CNTNAP5: variants seen among roughly 807,000 people sequenced by gnomAD.
CNTNAP5 encodes the protein contactin-associated protein-like 5.
Under a neutral mutation model 150.2 loss-of-function variants are expected in CNTNAP5, and 72 were observed. The ratio of observed to expected loss-of-function variants is 0.48; its 90% confidence interval spans 0.40 to 0.58. CNTNAP5 has a LOEUF of 0.58. CNTNAP5 is among the 20% of genes least tolerant of loss of function. The pLI is 0.00. For synonymous variants in CNTNAP5, 672 were observed against 619.8 expected, an observed-to-expected ratio of 1.08 and a Z score of -1.25; for missense variants, 1,636 against 1,626.2, an observed-to-expected ratio of 1.01 and a Z score of -0.10.
At chr2:124,339,796 G>A (rs955151446) in intron 3 of CNTNAP5, among the ~76,000 whole-genome samples, 2 of 152,108 alleles carry the variant, frequency 1.3e-5, no homozygotes, top group Non-Finnish European at 2.9e-5. Flanking sequence ...GTGGGCAGGG[G>A]TGAGGGAATG....
chr2:124,063,736 C>T (rs1292951927), intron 1 of CNTNAP5, among the ~76,000 whole-genome samples: 2 of 152,040 alleles, frequency 1.3e-5, no homozygotes, highest in African/African-American at 4.8e-5. Flanking sequence ...CATTTCCAGG[C>T]CTGATAATGA....
At chr2:124,257,213 G>A (rs1687335422) in intron 3 of CNTNAP5, among the ~76,000 whole-genome samples, 2 of 152,166 alleles carry the variant, frequency 1.3e-5, no homozygotes, top group African/African-American at 2.4e-5. Context: ...AAATCCCCCA[G>A]TTTGTGGTAA....
At chr2:124,264,311 G>A (rs751908030) in intron 3 of CNTNAP5, among the ~76,000 whole-genome samples, 21 of 151,028 alleles carry the variant, frequency 1.4e-4, no homozygotes, top group Non-Finnish European at 2.4e-4. Context: ...ATAATATTCC[G>A]GTTGAGAGTG....
Position 124,679,256 on chromosome 2 carries a change from G to A in CNTNAP5, c.2077+31298G>A, listed in dbSNP as rs184221087. The stretch of plus-strand genomic sequence containing the variant: ...ATTGAGCCAAGAGCTAGCCTTGGCT[G>A]CTGGTGCACACATCAGGAAAGCAGT... On this transcript the variant is annotated intron_variant, in intron 13 of 23. Coordinates refer to ENST00000682447, the MANE Select transcript of CNTNAP5 (RefSeq NM_001367498.1). Among the ~76,000 whole-genome samples the A allele has an allele frequency of 5.3e-5, 8 of 152,042 alleles. No individual in the cohort carries two copies. In the Admixed American group the frequency reaches 5.3e-4, roughly 10 times the overall value.
In CNTNAP5 at chr2:124,478,964, C is replaced by T. The variant is rs577414792; in HGVS notation, c.1062+4082C>T. Among the ~76,000 whole-genome samples, 5 of 152,318 alleles carry T rather than the reference C, an allele frequency of 3.3e-5. No homozygotes were observed. In the South Asian group the frequency reaches 6.2e-4, roughly 19 times the overall value. On this transcript the variant is annotated intron_variant, in intron 7 of 23. Transcript: ENST00000682447. The stretch of plus-strand genomic sequence containing the variant: ...AGGCATCCTCATTGCAATCTGTCAT[C>T]TCTTTCTTGTGGGACCTTCCCACTC...
chr2:124,671,146 A>C (rs1678815427), intron 13 of CNTNAP5, among the ~76,000 whole-genome samples: 1 of 152,132 alleles, frequency 6.6e-6, no homozygotes, highest in South Asian at 2.1e-4. Flanking sequence ...CTGTTACTTT[A>C]TCATTGGTAT....
At chr2:124,687,644 T>C (rs1318680044) in intron 13 of CNTNAP5, among the ~76,000 whole-genome samples, 1 of 152,046 alleles carries the variant, frequency 6.6e-6, no homozygotes, top group East Asian at 1.9e-4. Context: ...TCATGGAAAC[T>C]ATGGAGAAAC....
intron 3 of CNTNAP5, among the ~76,000 whole-genome samples, chr2:124,414,040 G>A (rs939999384): frequency 1.3e-5 from 2 of 151,682 alleles, no homozygotes; most frequent in Non-Finnish European, 2.9e-5. Flanking sequence ...CCATATTTTG[G>A]GGTACCATTT....
intron 3 of CNTNAP5, among the ~76,000 whole-genome samples, chr2:124,384,844 C>G (rs1690888399): frequency 6.6e-6 from 1 of 152,162 alleles, no homozygotes; most frequent in South Asian, 2.1e-4. Context: ...GAGACAGGTG[C>G]CAAGCCCTTT....
intron 13 of CNTNAP5, among the ~76,000 whole-genome samples, chr2:124,734,250 A>T (rs1218161910): frequency 6.6e-6 from 1 of 152,100 alleles, no homozygotes; most frequent in African/African-American, 2.4e-5. Flanking sequence ...TGGAGACACA[A>T]ATGAACACAG....
At chr2:124,253,017 TA>T (rs1249346516) in intron 3 of CNTNAP5, among the ~76,000 whole-genome samples, 1 of 151,618 alleles carries the variant, frequency 6.6e-6, no homozygotes, top group African/African-American at 2.4e-5. Flanking sequence ...TAATAGTACA[TA>T]AAATATATAT....
intron 10 of CNTNAP5, among the ~76,000 whole-genome samples, chr2:124,534,134 G>A (rs1695176659): frequency 1.3e-5 from 2 of 152,158 alleles, no homozygotes; most frequent in Admixed American, 6.6e-5. Context: ...CAGACTTAGA[G>A]AGTGTGGAAT....
intron 3 of CNTNAP5, among the ~76,000 whole-genome samples, chr2:124,293,961 G>A (rs1185373436): frequency 6.6e-6 from 1 of 152,140 alleles, no homozygotes; most frequent in Non-Finnish European, 1.5e-5. Context: ...GGGACAACAT[G>A]GATGTAGTCC....
chr2:124,721,244 C>T lies in CNTNAP5; in HGVS notation c.2078-25985C>T, dbSNP rs970936526. 2.6e-5 allele frequency among the ~76,000 whole-genome samples: 4 copies of T among 152,140 alleles called. No homozygotes were observed. The East Asian group carries it at 5.8e-4, about 22-fold the overall frequency. The stretch of plus-strand genomic sequence containing the variant: ...CTGTAATCCCTACAGTTTGGGAGGC[C>T]GAGGCACGTGGATCACTTGAGTTCA... On this transcript the variant is annotated intron_variant, in intron 13 of 23. Coordinates refer to ENST00000682447, the MANE Select transcript of CNTNAP5 (RefSeq NM_001367498.1).
rs1012027422 is a variant in CNTNAP5, at chr2:124,161,788, C to T, written c.83-59917C>T. On this transcript the variant is annotated intron_variant, in intron 1 of 23. Transcript: ENST00000682447. ...ATGGTTTAATGTTCTACCACAGACCCTGAAAATTAAAATATGAGCATCATT... is the reference window on the plus strand; with the variant it reads ...ATGGTTTAATGTTCTACCACAGACCTTGAAAATTAAAATATGAGCATCATT... Among the ~76,000 whole-genome samples, 6 of 152,036 alleles carry T rather than the reference C, an allele frequency of 3.9e-5. No individual in the cohort carries two copies. In the South Asian group the frequency reaches 1.0e-3, roughly 26 times the overall value.
At chr2:124,194,908 T>A (rs1394999141) in intron 1 of CNTNAP5, among the ~76,000 whole-genome samples, 1 of 151,998 alleles carries the variant, frequency 6.6e-6, no homozygotes, top group Non-Finnish European at 1.5e-5. Flanking sequence ...AACTAGAAGT[T>A]ATTTGCAGTG....
chr2:124,676,712 C>T (rs1415610855), intron 13 of CNTNAP5, among the ~76,000 whole-genome samples: 2 of 152,142 alleles, frequency 1.3e-5, no homozygotes, highest in Admixed American at 6.6e-5. Context: ...GTTTTCGAGG[C>T]TGCCATGGAG....
intron 3 of CNTNAP5, among the ~76,000 whole-genome samples, chr2:124,258,998 C>T (rs111935984): frequency 0.028 from 2,973 of 107,648 alleles, 46 homozygotes; most frequent in Non-Finnish European, 0.037. Flanking sequence ...CCAATGCTAT[C>T]CCTCCCCCCT....
At chr2:124,754,162 G>T (rs566793465) in intron 14 of CNTNAP5, among the ~76,000 whole-genome samples, 3 of 152,058 alleles carry the variant, frequency 2.0e-5, no homozygotes, top group Non-Finnish European at 4.4e-5. Flanking sequence ...CATTAAGGGC[G>T]CCTTAGACCA....
Sources: gnomAD v4.1 joint callset for allele counts (sites outside exome capture counted in the v4.1 genomes callset) on GRCh38, gnomAD v4.1.1 for gene constraint, MANE v1.5 for transcripts, NCBI Gene and HGNC (gene_info 2026-07-23, HGNC 2026-07-21) for gene names.